The following SMPDL3A variants were observed in gnomAD, a reference collection of about 807,000 sequenced individuals.
SMPDL3A encodes sphingomyelin phosphodiesterase acid like 3A.
SMPDL3A carries 39 observed loss-of-function variants against 38.5 expected under a neutral mutation model. That is an observed-to-expected ratio of 1.01 (90% CI 0.78 to 1.32). SMPDL3A has a LOEUF of 1.32. Ranked by LOEUF, SMPDL3A falls within the 40% of genes most tolerant of loss-of-function variation. The pLI is 0.00. For missense variants in SMPDL3A, 502 were observed against 536.2 expected (o/e 0.94, Z 0.63); for synonymous variants, 180 against 194.3 (o/e 0.93, Z 0.61).
In SMPDL3A at chr6:122,809,284, G is replaced by A. The variant is rs1404474047; in HGVS notation, c.1238G>A (p.Ser413Asn). 1 of 1,613,940 alleles carries A rather than the reference G, an allele frequency of 6.2e-7. No individual in the cohort carries two copies. The highest frequency in any genetic ancestry group is 8.5e-7 in the Non-Finnish European group (1 of 1,179,840). ...AAATACTACAATTACTTCTTTGTGA[G>A]TTATGACAGCAGTGTAACATGTGAT... The part of the protein sequence containing the change: ...FIKYYNYFFV[S>N]YDSSVTCDKT... The change falls in exon 8 of 8, where the codon AGT becomes AAT. Residue 413 changes from serine (S) to asparagine (N), a missense_variant. By Grantham distance (46) the Ser-to-Asn change is conservative. Transcript: ENST00000368440.
In SMPDL3A at chr6:122,803,726, A is replaced by C. The variant is rs781564761; in HGVS notation, c.631A>C (p.Asn211His). The C allele has an allele frequency of 6.2e-7, 1 of 1,614,086 alleles. No homozygotes were observed. Among genetic ancestry groups the C allele is most frequent in the South Asian group, 1.1e-5 (1 of 91,088 alleles). ...PNLRIISLNT[N>H]LYYGPNIMTL... is the part of the protein sequence containing the mutation. ...CCTTAGGATCATCAGTCTAAACACA[A>C]ACTTGTACTACGGCCCAAATATAAT... The change falls in exon 5 of 8, where the codon AAC becomes CAC. Residue 211 changes from asparagine to histidine, a missense_variant. Asn to His is a moderately conservative substitution (Grantham distance 68). Coordinates refer to ENST00000368440, the MANE Select transcript of SMPDL3A (RefSeq NM_006714.5).
chr6:122,797,959 C>T (rs185345957), intron 3 of SMPDL3A, among the ~76,000 whole-genome samples: 1 of 152,126 alleles, frequency 6.6e-6, no homozygotes, highest in Non-Finnish European at 1.5e-5. Context: ...GATCTGTGTT[C>T]GCTTAAACCA....
At chr6:122,797,037 TA>T in intron 3 of SMPDL3A, 69 bp downstream of exon 3, 1 of 1,324,514 alleles carries the variant, frequency 7.5e-7, no homozygotes, top group Non-Finnish European at 1.1e-6. Context: ...ATTGTGACAA[TA>T]ACTAGCTAGT....
At chr6:122,808,614 CCTTCCTTCCTTCCTT>C (rs1781729557) in intron 7 of SMPDL3A, among the ~76,000 whole-genome samples, 3 of 78,832 alleles carry the variant, frequency 3.8e-5, no homozygotes, top group African/African-American at 1.8e-4. Context: ...TCCCTCCCTT[CCTTCCTTCCTTCCTT>C]CCTTCCTTCC....
At chr6:122,807,367 CG>C (rs1014748715) in intron 7 of SMPDL3A, among the ~76,000 whole-genome samples, 1 of 152,120 alleles carries the variant, frequency 6.6e-6, no homozygotes. Flanking sequence ...GGCGTGGCGG[CG>C]GGTGCCTGTA....
intron 3 of SMPDL3A, among the ~76,000 whole-genome samples, chr6:122,800,616 A>AG (rs1725999212): frequency 2.0e-5 from 3 of 152,226 alleles, no homozygotes; most frequent in African/African-American, 7.2e-5. Flanking sequence ...GCCTATGCCT[A>AG]TGTTTGTATC....
chr6:122,795,969 A>G lies in SMPDL3A; in HGVS notation c.326+79A>G, dbSNP rs147309913. ...AAGCTTCATAAGAGTGCTGAATTCCATAATAAGATTAGTTACATTTTAAGA... is the reference window on the plus strand; with the variant it reads ...AAGCTTCATAAGAGTGCTGAATTCCGTAATAAGATTAGTTACATTTTAAGA... On this transcript the variant is annotated intron_variant, in intron 2 of 7. Transcript: ENST00000368440. 2.5e-4 allele frequency: 256 copies of G among 1,009,992 alleles called. 1 individual carries two copies. The African/African-American group carries it at 3.6e-3, about 14-fold the overall frequency. 62.6% of individuals were successfully genotyped at this position (1,009,992 alleles called of 1,614,324 possible).
rs528537211 is a variant in SMPDL3A, at chr6:122,808,737, A to G, written c.1045-354A>G. On this transcript the variant is annotated intron_variant, in intron 7 of 7. Transcript: ENST00000368440. ...CACCCAGGCTGGAGTGCAGTGGCGCAATCTCGCAATCCCGGCTCACCGCAA... is the reference window on the plus strand; with the variant it reads ...CACCCAGGCTGGAGTGCAGTGGCGCGATCTCGCAATCCCGGCTCACCGCAA... Among the ~76,000 whole-genome samples the G allele has an allele frequency of 5.7e-4, 86 of 150,082 alleles. 1 individual carries two copies. The highest frequency in any genetic ancestry group is 1.9e-3 in the African/African-American group (76 of 40,796).
intron 6 of SMPDL3A, 93 bp downstream of exon 6, chr6:122,805,182 GT>G: frequency 9.1e-7 from 1 of 1,100,772 alleles, no homozygotes; most frequent in Non-Finnish European, 1.3e-6. Flanking sequence ...TAAATTAAAC[GT>G]TTTATTTAAA....
chr6:122,804,831 T>G, intron 5 of SMPDL3A, 78 bp from the exon 6 acceptor site: 1 of 1,180,428 alleles, frequency 8.5e-7, no homozygotes, highest in Non-Finnish European at 1.2e-6. Flanking sequence ...CTTTCAATCT[T>G]GGGTATCCAA....
At chr6:122,808,301 A>G (rs1370547316) in intron 7 of SMPDL3A, among the ~76,000 whole-genome samples, 3 of 152,174 alleles carry the variant, frequency 2.0e-5, no homozygotes, top group Non-Finnish European at 4.4e-5. Context: ...GTGTTTGCCA[A>G]TTTCCATGAC....
intron 6 of SMPDL3A, among the ~76,000 whole-genome samples, chr6:122,805,570 A>G (rs560716106): frequency 2.6e-4 from 40 of 152,212 alleles, no homozygotes; most frequent in Non-Finnish European, 4.9e-4. Flanking sequence ...GAATGATACA[A>G]ACAAACCTCC....
intron 1 of SMPDL3A, among the ~76,000 whole-genome samples, chr6:122,794,166 T>G (rs1009487455): frequency 7.9e-5 from 12 of 152,308 alleles, no homozygotes; most frequent in African/African-American, 2.9e-4. Flanking sequence ...GGACCATAAT[T>G]CCCAGTTCGG....
chr6:122,808,138 C>A (rs1781697440), intron 7 of SMPDL3A, among the ~76,000 whole-genome samples: 1 of 152,054 alleles, frequency 6.6e-6, no homozygotes, highest in East Asian at 1.9e-4. Context: ...AGTAAGACTC[C>A]ATTTTTTTGA....
Position 122,809,373 on chromosome 6 carries a change from T to G in SMPDL3A, c.1327T>G (p.Cys443Gly). Reference protein sequence around the residue: ...MNLDNISYADCLKQLYIKHNY With the variant: ...MNLDNISYADGLKQLYIKHNY ...TCTTGATAATATTTCCTATGCAGAT[T>G]GCCTCAAACAGCTTTATATAAAGCA... Residue 443 changes from cysteine (C) to glycine (G), a missense_variant, in exon 8 of 8, where the codon TGC becomes GGC. Cys to Gly is a radical substitution (Grantham distance 159). Coordinates refer to ENST00000368440, the MANE Select transcript of SMPDL3A (RefSeq NM_006714.5). 1 of 1,613,764 alleles carries G rather than the reference T, an allele frequency of 6.2e-7. No homozygotes were observed. The highest frequency in any genetic ancestry group is 8.5e-7 in the Non-Finnish European group (1 of 1,179,832).
chr6:122,798,742 C>T (rs944602517), intron 3 of SMPDL3A, among the ~76,000 whole-genome samples: 1 of 152,124 alleles, frequency 6.6e-6, no homozygotes, highest in Non-Finnish European at 1.5e-5. Context: ...TTATTTTTAT[C>T]TCTGTCCTCT....
intron 6 of SMPDL3A, among the ~76,000 whole-genome samples, chr6:122,805,977 A>G (rs1201838921): frequency 3.3e-5 from 5 of 152,188 alleles, no homozygotes; most frequent in African/African-American, 7.2e-5. Context: ...TTCTATATTC[A>G]TTGCTAAAAT....
At chr6:122,797,649 T>G (rs1781296436) in intron 3 of SMPDL3A, among the ~76,000 whole-genome samples, 1 of 152,214 alleles carries the variant, frequency 6.6e-6, no homozygotes, top group Non-Finnish European at 1.5e-5. Context: ...CCAGAGATTT[T>G]TGTTTAAGTC....
At chr6:122,797,481 G>A (rs1244535252) in intron 3 of SMPDL3A, 1 of 152,550 alleles carries the variant, frequency 6.6e-6, no homozygotes, top group Non-Finnish European at 1.5e-5. Context: ...ATCTAATTAA[G>A]ACATGATTCA....
Sources: gnomAD v4.1 joint callset for allele counts (sites outside exome capture counted in the v4.1 genomes callset) on GRCh38, gnomAD v4.1.1 for gene constraint, MANE v1.5 for transcripts, NCBI Gene and HGNC (gene_info 2026-07-23, HGNC 2026-07-21) for gene names.